Variants in GIGYF2 observed in about 807,000 individuals in gnomAD.
GIGYF2 encodes the protein GRB10-interacting GYF protein 2.
Under a neutral mutation model 208.1 loss-of-function variants are expected in GIGYF2, and 25 were observed. The ratio of observed to expected loss-of-function variants is 0.12; its 90% CI spans 0.09 to 0.17. The LOEUF (loss-of-function observed/expected upper bound fraction) is 0.17, where lower values mean the gene tolerates loss of function less well. Ranked by LOEUF, GIGYF2 falls within the 10% of genes least tolerant of loss-of-function variation. GIGYF2 has a pLI of 1.00. For missense variants in GIGYF2, 1,302 were observed against 1,579.4 expected (o/e 0.82, Z 2.98); for synonymous variants, 534 against 543.8 (o/e 0.98, Z 0.25).
At chr2:232,829,600 T>C (rs1701357524) in intron 21 of GIGYF2, among the ~76,000 whole-genome samples, 1 of 152,222 alleles carries the variant, frequency 6.6e-6, no homozygotes, top group African/African-American at 2.4e-5. Context: ...CCTTTTAGCT[T>C]GATCCCGAGG....
At chr2:232,814,567 C>CT (rs1215222452) in intron 18 of GIGYF2, among the ~76,000 whole-genome samples, 4 of 114,864 alleles carry the variant, frequency 3.5e-5, no homozygotes, top group Admixed American at 8.8e-5. Context: ...CACCTCAAAC[C>CT]CCCCCCCCCC....
rs749273170 is a variant in GIGYF2, at chr2:232,847,394, G to A, written c.3507G>A (p.Glu1169=). 7 of 1,612,852 alleles carry A rather than the reference G, an allele frequency of 4.3e-6. No homozygotes were observed. In the African/African-American group the frequency reaches 9.4e-5, roughly 22 times the overall value. The change falls in exon 27 of 29, where the codon GAG becomes GAA. Residue 1169 remains glutamate (E), a synonymous_variant. Transcript: ENST00000373563. ...TGAAAGAAGTAGAATCTCCTTATGA[G>A]GTCCATGATTATATCAGGGCCTATT... ...SFLKEVESPY[E]VHDYIRAYLG... is the part of the protein sequence containing the mutation.
At chr2:232,805,581 T>A (rs1700536977) in intron 14 of GIGYF2, among the ~76,000 whole-genome samples, 2 of 152,224 alleles carry the variant, frequency 1.3e-5, no homozygotes, top group African/African-American at 4.8e-5. Flanking sequence ...TTGTGTGACT[T>A]TCTTGTAGAT....
chr2:232,760,302 C>T, intron 6 of GIGYF2, 178 bp from the exon 7 acceptor site: 4 of 591,268 alleles, frequency 6.8e-6, no homozygotes, highest in Non-Finnish European at 9.1e-6. Context: ...TCTTGTGGTC[C>T]AGCTACTTCA....
intron 21 of GIGYF2, among the ~76,000 whole-genome samples, chr2:232,831,292 G>T (rs75549380): frequency 0.022 from 3,406 of 152,260 alleles, 134 homozygotes; most frequent in African/African-American, 0.077. Context: ...GCTTACTTTT[G>T]CCTGTGTTCT....
At chr2:232,768,159 G>C (rs748224832) in intron 8 of GIGYF2, 14 of 1,608,348 alleles carry the variant, frequency 8.7e-6, no homozygotes, top group African/African-American at 1.3e-5. Flanking sequence ...AACTGGCTGG[G>C]TGTATTTAAT....
At chr2:232,760,938 G>A (rs773533056) in intron 7 of GIGYF2, among the ~76,000 whole-genome samples, 19 of 151,848 alleles carry the variant, frequency 1.3e-4, no homozygotes, top group Non-Finnish European at 2.5e-4. Flanking sequence ...ATGAGTGGGG[G>A]CAATTGCACA....
intron 9 of GIGYF2, among the ~76,000 whole-genome samples, chr2:232,789,121 G>A (rs554596118): frequency 2.6e-4 from 40 of 152,092 alleles, no homozygotes; most frequent in Non-Finnish European, 5.4e-4. Flanking sequence ...TTAGATGTAG[G>A]GTCTGTAAAT....
At chr2:232,741,437 TTTTTTTTTTC>T (rs1697964855) in intron 3 of GIGYF2, among the ~76,000 whole-genome samples, 2 of 151,932 alleles carry the variant, frequency 1.3e-5, no homozygotes, top group Admixed American at 1.3e-4. Context: ...TGGCTTCCTT[TTTTTTTTTTC>T]TTTTTTTTTG....
intron 2 of GIGYF2, among the ~76,000 whole-genome samples, chr2:232,730,681 G>A (rs1163729890): frequency 1.4e-5 from 2 of 147,498 alleles, no homozygotes; most frequent in East Asian, 4.0e-4. Flanking sequence ...GGCGGATCAC[G>A]AGGTCAGGAG....
At chr2:232,776,050 A>G (rs1699498088) in intron 8 of GIGYF2, among the ~76,000 whole-genome samples, 1 of 151,956 alleles carries the variant, frequency 6.6e-6, no homozygotes, top group Non-Finnish European at 1.5e-5. Flanking sequence ...TTACAGAAGT[A>G]AAAACAAAGT....
intron 23 of GIGYF2, among the ~76,000 whole-genome samples, chr2:232,843,331 G>A (rs976119309): frequency 2.0e-5 from 3 of 151,900 alleles, no homozygotes; most frequent in Non-Finnish European, 4.4e-5. Flanking sequence ...AGGCTGAGGC[G>A]GGTGGATTAC....
chr2:232,762,668 T>C (rs972386492), intron 8 of GIGYF2, among the ~76,000 whole-genome samples: 9 of 152,284 alleles, frequency 5.9e-5, no homozygotes, highest in Non-Finnish European at 1.3e-4. Flanking sequence ...ACTGTTTCTG[T>C]TAAAAACTTA....
chr2:232,824,107 AT>A, intron 21 of GIGYF2, among the ~76,000 whole-genome samples: 1 of 152,310 alleles, frequency 6.6e-6, no homozygotes, highest in East Asian at 1.9e-4. Flanking sequence ...TTGACTGGCT[AT>A]TCCCTGTCTC....
intron 2 of GIGYF2, among the ~76,000 whole-genome samples, chr2:232,730,590 G>A (rs1432671930): frequency 6.9e-6 from 1 of 144,908 alleles, no homozygotes; most frequent in Non-Finnish European, 1.5e-5. Context: ...GGGCAGTAGA[G>A]CGAGACTCAG....
In GIGYF2 at chr2:232,716,441, C is replaced by T. The variant is rs543813979; in HGVS notation, c.-44+12952C>T. The stretch of plus-strand genomic sequence containing the variant: ...TCACTCTGGCTGGAGTGTAGTGGCA[C>T]GATCTCGGCTCACTGCAACTTCCAC... On this transcript the variant is annotated intron_variant, in intron 2 of 28. Coordinates refer to ENST00000373563, the MANE Select transcript of GIGYF2 (RefSeq NM_001103146.3). Among the ~76,000 whole-genome samples the T allele has an allele frequency of 1.1e-3, 164 of 142,632 alleles. 2 individuals carry two copies. The highest frequency in any genetic ancestry group is 3.9e-3 in the Admixed American group (54 of 13,752). The allele number at this position is 142,632 out of a possible 152,430, so 93.6% of individuals were successfully genotyped here.
Position 232,845,756 on chromosome 2 carries a change from G to A in GIGYF2, c.3330G>A (p.Arg1110=). Residue 1110 remains arginine (R), a synonymous_variant, in exon 26 of 29, where the codon CGG becomes CGA. Transcript: ENST00000373563. ...GTAAATCTGTAGGTGTGTCTAACCG[G>A]CAGAATAAGAAAGTAGAAGAAGAAG... The part of the protein sequence containing the change: ...SLSKSVGVSN[R]QNKKVEEEEK... 6.2e-7 allele frequency: 1 copy of A among 1,603,988 alleles called. No homozygotes were observed. Among genetic ancestry groups the A allele is most frequent in the Admixed American group, 1.7e-5 (1 of 60,006 alleles).
intron 5 of GIGYF2, among the ~76,000 whole-genome samples, chr2:232,753,063 G>A (rs1279855915): frequency 6.6e-6 from 1 of 151,430 alleles, no homozygotes; most frequent in African/African-American, 2.4e-5. Flanking sequence ...CACATAAATG[G>A]TAGCATGCTG....
intron 12 of GIGYF2, among the ~76,000 whole-genome samples, chr2:232,792,802 T>C (rs927260090): frequency 2.0e-5 from 3 of 152,212 alleles, no homozygotes; most frequent in Non-Finnish European, 4.4e-5. Context: ...TACATTCTTT[T>C]GAATGTACGT....
Sources: allele counts gnomAD v4.1 joint callset (sites outside exome capture counted in the v4.1 genomes callset), GRCh38; gene constraint gnomAD v4.1.1; transcripts MANE v1.5; gene names NCBI Gene and HGNC (gene_info 2026-07-23, HGNC 2026-07-21).